ITGA8: variants seen among roughly 807,000 people sequenced by gnomAD.
ITGA8 encodes integrin alpha-8.
A neutral mutation model predicts 142.3 loss-of-function variants in ITGA8; 91 were observed. That is an observed-to-expected ratio of 0.64 (90% CI 0.54 to 0.76). The LOEUF (loss-of-function observed/expected upper bound fraction) is 0.76. ITGA8 is among the 30% of genes least tolerant of loss of function. The pLI is 0.00. For missense variants in ITGA8, 1,406 were observed against 1,327.7 expected (o/e 1.06, Z -0.92); for synonymous variants, 505 against 485.2 (o/e 1.04, Z -0.54).
Position 15,597,263 on chromosome 10 carries a change from T to A in ITGA8, c.2155A>T (p.Asn719Tyr), listed in dbSNP as rs761925908. 28 of 1,613,950 alleles carry A rather than the reference T, an allele frequency of 1.7e-5. No homozygotes were observed. The highest frequency in any genetic ancestry group is 2.4e-5 in the Non-Finnish European group (28 of 1,179,996). The part of the protein sequence containing the change: ...RPLSCEYKME[N>Y]VTRMVVCDLG... ...TCACACACCACCATCCTGGTTACAT[T>A]TTCCATCTTGTACTCACAGCTCAGT... Residue 719 changes from asparagine (N) to tyrosine (Y), a missense_variant, in exon 21 of 30, where the codon AAT (asparagine) becomes TAT (tyrosine). Physicochemically the swap from Asn to Tyr is moderately radical, Grantham distance 143. Transcript: ENST00000378076.
At chr10:15,660,502 C>A (rs1190545505) in intron 9 of ITGA8, among the ~76,000 whole-genome samples, 2 of 152,180 alleles carry the variant, frequency 1.3e-5, no homozygotes, top group Non-Finnish European at 2.9e-5. Context: ...CATTTCTTTG[C>A]GTATACAGAT....
At chr10:15,676,002 A>G (rs966136206) in intron 6 of ITGA8, among the ~76,000 whole-genome samples, 1 of 152,208 alleles carries the variant, frequency 6.6e-6, no homozygotes, top group Non-Finnish European at 1.5e-5. Flanking sequence ...AAATATCATG[A>G]AAATTTATGA....
At chr10:15,529,044 C>T (rs1172865309) in intron 28 of ITGA8, among the ~76,000 whole-genome samples, 1 of 146,926 alleles carries the variant, frequency 6.8e-6, no homozygotes, top group African/African-American at 2.6e-5. Context: ...TTCCTTTCTC[C>T]TTCCTTCCTT....
At chr10:15,524,231 T>A (rs949285879) in intron 28 of ITGA8, among the ~76,000 whole-genome samples, 2 of 152,170 alleles carry the variant, frequency 1.3e-5, no homozygotes, top group African/African-American at 4.8e-5. Context: ...TAAACTTATG[T>A]AGGCTTTTGC....
chr10:15,581,057 A>G (rs1386660776), intron 23 of ITGA8, among the ~76,000 whole-genome samples: 7 of 152,238 alleles, frequency 4.6e-5, no homozygotes, highest in Non-Finnish European at 1.5e-5. Context: ...TATGCCTGAT[A>G]GGAATATCTT....
chr10:15,595,923 G>A (rs187709227), intron 21 of ITGA8, among the ~76,000 whole-genome samples: 1 of 152,250 alleles, frequency 6.6e-6, no homozygotes, highest in Non-Finnish European at 1.5e-5. Context: ...ATGTTGGCAT[G>A]CACCTGTAAT....
chr10:15,684,357 G>A (rs1423440261), intron 3 of ITGA8, among the ~76,000 whole-genome samples: 1 of 151,522 alleles, frequency 6.6e-6, no homozygotes, highest in South Asian at 2.1e-4. Flanking sequence ...AAAAAAATGA[G>A]TTTTCTGACA....
At chr10:15,579,240 T>C (rs1424073023) in intron 23 of ITGA8, among the ~76,000 whole-genome samples, 1 of 152,098 alleles carries the variant, frequency 6.6e-6, no homozygotes, top group African/African-American at 2.4e-5. Context: ...TAATCTGTGG[T>C]CAATTGTTGG....
intron 13 of ITGA8, among the ~76,000 whole-genome samples, chr10:15,639,135 A>T (rs989130593): frequency 1.3e-4 from 19 of 151,950 alleles, no homozygotes; most frequent in Non-Finnish European, 2.8e-4. Flanking sequence ...ATCTCTTAAA[A>T]AAAAAAAAAA....
intron 2 of ITGA8, among the ~76,000 whole-genome samples, chr10:15,717,796 C>G (rs1039462902): frequency 3.9e-5 from 6 of 152,074 alleles, no homozygotes; most frequent in Non-Finnish European, 8.8e-5. Context: ...ATTATAGTAA[C>G]AAGTAAACAT....
chr10:15,646,653 A>C (rs1833985640), intron 12 of ITGA8, among the ~76,000 whole-genome samples, 193 bp downstream of exon 12: 1 of 152,230 alleles, frequency 6.6e-6, no homozygotes, highest in African/African-American at 2.4e-5. Flanking sequence ...TGAGAAGGGA[A>C]ATTTCCATGT....
At position 15,546,156 on chromosome 10, in the gene ITGA8, C is replaced by T. The variant is rs188669564; in HGVS notation, c.2880+2299G>A. Among the ~76,000 whole-genome samples the T allele has an allele frequency of 1.8e-3, 271 of 152,310 alleles. 2 individuals are homozygous for T. The highest frequency in any genetic ancestry group is 2.8e-3 in the Non-Finnish European group (190 of 68,026). ...CCTGTGCCCATCCTACCTGCAGAAG[C>T]AGCCGCACTCCCTACTATTTATCCC... is the stretch of plus-strand genomic sequence containing the variant. On this transcript the variant is annotated intron_variant, in intron 27 of 29. Transcript: ENST00000378076.
At chr10:15,541,873 T>C (rs563385218) in intron 27 of ITGA8, among the ~76,000 whole-genome samples, 61 of 152,198 alleles carry the variant, frequency 4.0e-4, no homozygotes, top group African/African-American at 1.3e-3. Flanking sequence ...AATCCAAAAG[T>C]TTACTTGCAT....
chr10:15,530,541 CAAAAAAA>C (rs57521125), intron 28 of ITGA8, among the ~76,000 whole-genome samples: 10 of 75,222 alleles, frequency 1.3e-4, no homozygotes, highest in East Asian at 8.7e-4. Context: ...GCGAGACTCT[CAAAAAAA>C]AAAAAAAAAA....
At chr10:15,545,252 T>G (rs896329368) in intron 27 of ITGA8, among the ~76,000 whole-genome samples, 1 of 152,224 alleles carries the variant, frequency 6.6e-6, no homozygotes, top group Non-Finnish European at 1.5e-5. Context: ...GAGTCCATCT[T>G]GATTCTTCTC....
intron 28 of ITGA8, among the ~76,000 whole-genome samples, chr10:15,520,481 G>A (rs1039966707): frequency 2.0e-5 from 3 of 152,090 alleles, no homozygotes; most frequent in Non-Finnish European, 2.9e-5. Context: ...ATTTCATCCC[G>A]CACTGTTGCA....
rs745877630 is a variant in ITGA8 at position 15,687,901 on chromosome 10, T to G, written c.444+37A>C. 4.8e-6 allele frequency: 6 copies of G among 1,246,332 alleles called. No homozygotes were observed. The South Asian group carries it at 7.2e-5, about 15-fold the overall frequency. The allele number at this position is 1,246,332 out of a possible 1,614,324, so 77.2% of individuals were successfully genotyped here. On this transcript the variant is annotated intron_variant, in intron 3 of 29. Coordinates refer to ENST00000378076, the MANE Select transcript of ITGA8 (RefSeq NM_003638.3). ...GAAAACATTCCAGTGCACACCATAC[T>G]CCAAAGCAGCAGCACAAGCCCACGG...
chr10:15,644,243 G>T, intron 12 of ITGA8, 22 bp from the exon 13 acceptor site: 1 of 1,602,286 alleles, frequency 6.2e-7, no homozygotes, highest in Non-Finnish European at 8.5e-7. Context: ...CATAAAACAT[G>T]TTTTATGTGT....
chr10:15,697,693 G>A (rs914222132), intron 2 of ITGA8, among the ~76,000 whole-genome samples: 4 of 152,112 alleles, frequency 2.6e-5, no homozygotes, highest in Non-Finnish European at 5.9e-5. Context: ...TAGGAACATG[G>A]AAATCAAATT....
Sources: gnomAD v4.1 joint callset for allele counts (sites outside exome capture counted in the v4.1 genomes callset) on GRCh38, gnomAD v4.1.1 for gene constraint, MANE v1.5 for transcripts, NCBI Gene and HGNC (gene_info 2026-07-23, HGNC 2026-07-21) for gene names.